KCNN2: variants seen among roughly 807,000 people sequenced by gnomAD.
KCNN2 encodes small conductance calcium-activated potassium channel protein 2.
In KCNN2, 24 loss-of-function variants were observed where a neutral mutation model predicts 55.5. The ratio of observed to expected loss-of-function variants is 0.43; its 90% CI spans 0.31 to 0.61. KCNN2 has a LOEUF of 0.61. Ranked by LOEUF, KCNN2 falls within the 20% of genes least tolerant of loss-of-function variation. The pLI is 0.08. For missense variants in KCNN2, 754 were observed against 853.6 expected, an observed-to-expected ratio of 0.88 and a Z score of 1.45; for synonymous variants, 431 against 336.1, an observed-to-expected ratio of 1.28 and a Z score of -3.09.
chr5:114,368,742 C>A (rs1004178097), intron 2 of KCNN2, among the ~76,000 whole-genome samples: 1 of 152,212 alleles, frequency 6.6e-6, no homozygotes, highest in East Asian at 1.9e-4. Flanking sequence ...CAGAGGTAAC[C>A]ACTTTTAAGT....
intron 1 of KCNN2, among the ~76,000 whole-genome samples, chr5:114,134,209 G>C (rs1241686211): frequency 1.3e-5 from 2 of 151,074 alleles, no homozygotes; most frequent in African/African-American, 2.4e-5. Context: ...CTCTCTCCTA[G>C]GAAGGATTTT....
intron 3 of KCNN2, among the ~76,000 whole-genome samples, chr5:114,439,193 G>A (rs1187939083): frequency 6.6e-6 from 1 of 152,154 alleles, no homozygotes; most frequent in African/African-American, 2.4e-5. Flanking sequence ...CTACATATAT[G>A]TATGAAAACA....
intron 2 of KCNN2, among the ~76,000 whole-genome samples, chr5:114,275,562 G>C (rs1040395692): frequency 1.4e-4 from 21 of 151,976 alleles, no homozygotes; most frequent in African/African-American, 5.1e-4. Context: ...TTTAGTCTTG[G>C]GGGGTGTATG....
rs1270195166 is a variant in KCNN2 at position 114,156,212 on chromosome 5, A to AG, written c.-270-65266dup. On this transcript the variant is annotated intron_variant, in intron 1 of 10. Coordinates refer to the KCNN2 transcript ENST00000512097. Reference sequence around the variant, plus strand: ...GTTGTAGGTATATGGTCTTATTTCTAGGTTCTCTATTCTGTTCCATTAATC... The same window carrying AG: ...GTTGTAGGTATATGGTCTTATTTCTAGGGTTCTCTATTCTGTTCCATTAATC... Among the ~76,000 whole-genome samples the AG allele has an allele frequency of 2.0e-5, 3 of 151,894 alleles. No homozygotes were observed. In the East Asian group the frequency reaches 5.8e-4, roughly 29 times the overall value.
At chr5:114,079,489 A>G (rs1223083943) in intron 1 of KCNN2, among the ~76,000 whole-genome samples, 2 of 152,212 alleles carry the variant, frequency 1.3e-5, no homozygotes, top group Non-Finnish European at 2.9e-5. Flanking sequence ...CTCAAATGCT[A>G]GCTCTTCTCC....
chr5:114,424,006 C>G (rs4705667), intron 3 of KCNN2, among the ~76,000 whole-genome samples: 41,081 of 152,000 alleles, frequency 0.27, 5,629 homozygotes, highest in Non-Finnish European at 0.28. Flanking sequence ...GGAAATTAAG[C>G]TAAATTGGAA....
At chr5:114,449,355 C>T (rs1760549867) in intron 3 of KCNN2, among the ~76,000 whole-genome samples, 1 of 152,202 alleles carries the variant, frequency 6.6e-6, no homozygotes, top group South Asian at 2.1e-4. Context: ...GAGCAGCCCT[C>T]AGGTATGTCA....
intron 3 of KCNN2, among the ~76,000 whole-genome samples, chr5:114,445,409 CTT>C (rs1433588995): frequency 6.6e-6 from 1 of 152,170 alleles, no homozygotes; most frequent in Non-Finnish European, 1.5e-5. Context: ...CCATGAGACA[CTT>C]TATAAAAATA....
intron 4 of KCNN2, among the ~76,000 whole-genome samples, chr5:114,463,966 G>C (rs1430644296): frequency 6.6e-6 from 1 of 152,200 alleles, no homozygotes; most frequent in Non-Finnish European, 1.5e-5. Context: ...AGTGGAGCCA[G>C]GTCATTGGGC....
At chr5:114,212,380 G>A (rs1053049349) in intron 1 of KCNN2, among the ~76,000 whole-genome samples, 1 of 151,980 alleles carries the variant, frequency 6.6e-6, no homozygotes, top group Non-Finnish European at 1.5e-5. Context: ...TGGTTGCCTA[G>A]GGGTTGGGTG....
At chr5:114,193,534 C>A (rs1377819575) in intron 1 of KCNN2, among the ~76,000 whole-genome samples, 2 of 152,138 alleles carry the variant, frequency 1.3e-5, no homozygotes, top group East Asian at 3.8e-4. Context: ...TTCTTCTCAA[C>A]TCACTCTGGA....
intron 3 of KCNN2, among the ~76,000 whole-genome samples, chr5:114,449,989 A>T (rs554304776): frequency 6.6e-6 from 1 of 152,114 alleles, no homozygotes; most frequent in African/African-American, 2.4e-5. Context: ...GGGTATTCCC[A>T]CAACATCACC....
intron 1 of KCNN2, among the ~76,000 whole-genome samples, chr5:114,140,880 C>T (rs1278435080): frequency 2.0e-5 from 3 of 151,338 alleles, no homozygotes; most frequent in Non-Finnish European, 4.4e-5. Flanking sequence ...CCTCCACCTC[C>T]CGGGTTGAAT....
chr5:114,413,567 G>A (rs551160834), intron 3 of KCNN2, among the ~76,000 whole-genome samples: 6 of 152,272 alleles, frequency 3.9e-5, no homozygotes, highest in South Asian at 4.2e-4. Flanking sequence ...GATTACAGGC[G>A]TGAGCCACCA....
intron 1 of KCNN2, among the ~76,000 whole-genome samples, chr5:114,137,656 A>G (rs1752201191): frequency 6.6e-6 from 1 of 152,174 alleles, no homozygotes; most frequent in South Asian, 2.1e-4. Flanking sequence ...AGTGCAGCAT[A>G]CTGAGTACTG....
At chr5:114,184,952 A>T (rs1192351472) in intron 1 of KCNN2, among the ~76,000 whole-genome samples, 2 of 152,064 alleles carry the variant, frequency 1.3e-5, no homozygotes, top group Non-Finnish European at 2.9e-5. Context: ...TTTACAACAA[A>T]TAAGTTTTAA....
intron 1 of KCNN2, among the ~76,000 whole-genome samples, chr5:114,100,573 C>T (rs1330556139): frequency 6.6e-6 from 1 of 151,858 alleles, no homozygotes; most frequent in Non-Finnish European, 1.5e-5. Context: ...TATATGTATC[C>T]ATGTGGGTAT....
rs111294903 is a variant in KCNN2, at chr5:114,403,272, A to G, written c.1219-1166A>G. Among the ~76,000 whole-genome samples the G allele has an allele frequency of 4.2e-3, 633 of 152,324 alleles. 1 individual carries two copies. Among genetic ancestry groups the G allele is most frequent in the Non-Finnish European group, 6.1e-3 (413 of 68,022 alleles). Reference sequence around the variant, plus strand: ...TTTGATTTTTGCACACTGCCGGGTCATTCAGGGTCAAGTTTGGTAAATAAA... The same window carrying G: ...TTTGATTTTTGCACACTGCCGGGTCGTTCAGGGTCAAGTTTGGTAAATAAA... On this transcript the variant is annotated intron_variant, in intron 2 of 7. Coordinates refer to ENST00000673685, the MANE Select transcript of KCNN2 (RefSeq NM_021614.4).
At chr5:114,292,754 T>C (rs548896394) in intron 2 of KCNN2, among the ~76,000 whole-genome samples, 126 of 152,350 alleles carry the variant, frequency 8.3e-4, no homozygotes, top group Non-Finnish European at 1.3e-3. Flanking sequence ...TTGATGGGGA[T>C]GGCATTGAAT....
Sources: gnomAD v4.1 joint callset for allele counts (sites outside exome capture counted in the v4.1 genomes callset) on GRCh38, gnomAD v4.1.1 for gene constraint, MANE v1.5 for transcripts, NCBI Gene and HGNC (gene_info 2026-07-23, HGNC 2026-07-21) for gene names.